MYH8: variants seen among roughly 807,000 people sequenced by gnomAD.
MYH8 encodes myosin heavy chain 8.
In MYH8, 168 loss-of-function variants were observed where a neutral mutation model predicts 233.2. The observed-to-expected ratio is 0.72, with a 90% CI of 0.64 to 0.82. The LOEUF (loss-of-function observed/expected upper bound fraction) is 0.82, where lower values mean the gene tolerates loss of function less well. Among genes scored for constraint, MYH8 ranks in the 40% least tolerant of loss-of-function variants. MYH8 has a pLI of 0.00. For missense variants in MYH8, 1,995 were observed against 2,327.8 expected, an observed-to-expected ratio of 0.86 and a Z score of 2.94; for synonymous variants, 785 against 850.6, an observed-to-expected ratio of 0.92 and a Z score of 1.34.
Position 10,410,910 on chromosome 17 carries a change from T to C in MYH8, c.1454A>G (p.Asn485Ser), listed in dbSNP as rs1242761382. The C allele has an allele frequency of 6.2e-7, 1 of 1,614,102 alleles. No homozygotes were observed. Among genetic ancestry groups the C allele is most frequent in the South Asian group, 1.1e-5 (1 of 91,056 alleles). The change falls in exon 15 of 40, where the codon AAC becomes AGC. Residue 485 changes from asparagine (N) to serine (S), a missense_variant. Transcript: ENST00000403437. The part of the protein sequence containing the change: ...SLEQLCINFT[N>S]EKLQQFFNHH... Reference sequence around the variant, plus strand: ...GTTGAAAAACTGTTGCAGTTTCTCGTTGGTGAAGTTGATGCACAGCTGCTC... The same window carrying C: ...GTTGAAAAACTGTTGCAGTTTCTCGCTGGTGAAGTTGATGCACAGCTGCTC...
intron 39 of MYH8, 89 bp from the exon 40 acceptor site, chr17:10,390,692 T>C: frequency 1.4e-6 from 2 of 1,450,718 alleles, no homozygotes; most frequent in Non-Finnish European, 1.9e-6. Context: ...AAATCAGGTA[T>C]TTCCTTCTTA....
At chr17:10,394,204 A>G in intron 35 of MYH8, 45 bp downstream of exon 35, 1 of 1,612,060 alleles carries the variant, frequency 6.2e-7, no homozygotes, top group Non-Finnish European at 8.5e-7. Flanking sequence ...ATTCGAATGC[A>G]TCAGCTACCA....
chr17:10,396,515 C>T lies in MYH8; in HGVS notation c.4528+38G>A. ...AGATGGCAACATGGAAAGGTCCTCCCAGGGATATATGGAGTAGGGAGGACT... is the reference window on the plus strand; with the variant it reads ...AGATGGCAACATGGAAAGGTCCTCCTAGGGATATATGGAGTAGGGAGGACT... On this transcript the variant is annotated intron_variant, in intron 32 of 39. Coordinates refer to ENST00000403437, the MANE Select transcript of MYH8 (RefSeq NM_002472.3). This position sits in a 1 kb window ranked among gnomAD's most constrained non-coding sequence, Gnocchi z 4.2. 5 of 1,613,848 alleles carry T rather than the reference C, an allele frequency of 3.1e-6. No individual in the cohort carries two copies. The highest frequency in any genetic ancestry group is 4.2e-6 in the Non-Finnish European group (5 of 1,179,868).
At chr17:10,397,074 T>A in intron 30 of MYH8, 88 bp from the exon 31 acceptor site, 1 of 1,401,832 alleles carries the variant, frequency 7.1e-7, no homozygotes, top group Non-Finnish European at 9.9e-7. Flanking sequence ...GTCCTATTTC[T>A]TTTCTTTTCT....
At position 10,406,787 on chromosome 17, in the gene MYH8, C is replaced by G. The variant is rs1381616912; in HGVS notation, c.2074G>C (p.Val692Leu). The change falls in exon 19 of 40, where the codon GTG (valine) becomes CTG (leucine). Residue 692 changes from valine to leucine, a missense_variant. This residue lies in a region of MYH8 where 1,498 missense variants were observed against 1,680.9 expected (regional missense o/e 0.89). Coordinates refer to ENST00000403437, the MANE Select transcript of MYH8 (RefSeq NM_002472.3). ...KTPGAMEHEL[V>L]LHQLRCNGVL... ...CCATTACACCTCAGCTGGTGCAACA[C>G]AAGTTCATGTTCCATTGCCCCTAAA... The G allele has an allele frequency of 6.2e-7, 1 of 1,614,036 alleles. No individual in the cohort carries two copies. Among genetic ancestry groups the G allele is most frequent in the Non-Finnish European group, 8.5e-7 (1 of 1,180,018 alleles).
In MYH8 at chr17:10,406,197, C is replaced by CA; in HGVS notation, c.2296-21dup. On this transcript the variant is annotated intron_variant, in intron 20 of 39. Coordinates refer to ENST00000403437, the MANE Select transcript of MYH8 (RefSeq NM_002472.3). Reference sequence around the variant, plus strand: ...GAAAACCTGGAGAAAGAGAGAGTCACAAATCATCTCCATACTGCAGGAGAT... The same window carrying CA: ...GAAAACCTGGAGAAAGAGAGAGTCACAAAATCATCTCCATACTGCAGGAGAT... 6.2e-7 allele frequency: 1 copy of CA among 1,614,022 alleles called. No homozygotes were observed. Among genetic ancestry groups the CA allele is most frequent in the Non-Finnish European group, 8.5e-7 (1 of 1,179,990 alleles).
At chr17:10,411,985 C>G (rs777459275) in intron 14 of MYH8, among the ~76,000 whole-genome samples, 15 of 152,236 alleles carry the variant, frequency 9.9e-5, no homozygotes, top group Middle Eastern at 3.4e-3. Context: ...TATGAAGAAG[C>G]CTTGTGTATG....
chr17:10,390,448 G>T lies in MYH8; in HGVS notation c.*6C>A. 6.2e-7 allele frequency: 1 copy of T among 1,613,074 alleles called. No individual in the cohort carries two copies. Among genetic ancestry groups the T allele is most frequent in the Non-Finnish European group, 8.5e-7 (1 of 1,180,020 alleles). On this transcript the variant is annotated 3_prime_UTR_variant, in exon 40 of 40. Transcript: ENST00000403437. Reference sequence around the variant, plus strand: ...TCAGCCTCTTGATAGCATCAGGCAGGTGTGTTTACTCTGCACTGATTTTTG... The same window carrying T: ...TCAGCCTCTTGATAGCATCAGGCAGTTGTGTTTACTCTGCACTGATTTTTG...
Position 10,396,552 on chromosome 17 carries a change from C to T in MYH8, c.4528+1G>A, listed in dbSNP as rs556513030. The T allele has an allele frequency of 1.1e-5, 17 of 1,613,818 alleles. No individual in the cohort carries two copies. The highest frequency in any genetic ancestry group is 6.6e-5 in the South Asian group (6 of 91,054). On this transcript the variant is annotated splice_donor_variant, in intron 32 of 39. Coordinates refer to ENST00000403437, the MANE Select transcript of MYH8 (RefSeq NM_002472.3). LOFTEE classifies it high-confidence loss of function. The surrounding 1 kb of genome is among the most constrained non-coding windows in gnomAD (Gnocchi z 4.2). Reference sequence around the variant, plus strand: ...GAGTAGGGAGGACTGTGAGGACTCACGTTGCAAGTTCTTATTTTCTCTTCT... The same window carrying T: ...GAGTAGGGAGGACTGTGAGGACTCATGTTGCAAGTTCTTATTTTCTCTTCT...
intron 17 of MYH8, among the ~76,000 whole-genome samples, chr17:10,408,439 G>C (rs926243376): frequency 6.6e-6 from 1 of 152,128 alleles, no homozygotes; most frequent in Admixed American, 6.5e-5. Flanking sequence ...GTCGTATGTC[G>C]TGTCTGTATT....
At position 10,400,884 on chromosome 17, in the gene MYH8, CT is replaced by C; in HGVS notation, c.3329del (p.Lys1110ArgfsTer57). The C allele has an allele frequency of 6.2e-7, 1 of 1,613,848 alleles. No individual in the cohort carries two copies. The highest frequency in any genetic ancestry group is 8.5e-7 in the Non-Finnish European group (1 of 1,180,014). ...GATGACTCACCTGCAACTCTTTGAT[CT>C]TCTTCTGTAGTTGAATTTCTACAGC... ...EQAVEIQLQK[K>X]IKELQARIEE... On this transcript the variant is annotated frameshift_variant, in exon 26 of 40. Transcript: ENST00000403437. LOFTEE classifies it high-confidence loss of function. The surrounding 1 kb of genome is among the most constrained non-coding windows in gnomAD (Gnocchi z 4.0).
rs1351094892 is a variant in MYH8, at chr17:10,414,048, G to C, written c.1009-8C>G. On this transcript the variant is annotated splice_region_variant and splice_polypyrimidine_tract_variant and intron_variant, in intron 11 of 39. Transcript: ENST00000403437. The stretch of plus-strand genomic sequence containing the variant: ...CAGGATGTCAATGGCACTCTACCAG[G>C]AAAAATGAGAGGACAAAAGTTAGGG... 1 of 1,614,060 alleles carries C rather than the reference G, an allele frequency of 6.2e-7. No homozygotes were observed. Among genetic ancestry groups the C allele is most frequent in the South Asian group, 1.1e-5 (1 of 91,080 alleles).
chr17:10,404,672 GA>G (rs774847062), intron 21 of MYH8, 87 bp from the exon 22 acceptor site: 2 of 1,488,912 alleles, frequency 1.3e-6, no homozygotes, highest in East Asian at 4.7e-5. Context: ...CCCTTTTAAT[GA>G]ATGCCGCTCA....
Position 10,394,361 on chromosome 17 carries a change from T to C in MYH8, c.5054A>G (p.Gln1685Arg), listed in dbSNP as rs2072059997. The C allele has an allele frequency of 6.2e-7, 1 of 1,614,028 alleles. No homozygotes were observed. The highest frequency in any genetic ancestry group is 1.3e-5 in the African/African-American group (1 of 74,920). The change falls in exon 35 of 40, where the codon CAG becomes CGG. Residue 1685 changes from glutamine (Q) to arginine (R), a missense_variant. Gln to Arg is a conservative substitution (Grantham distance 43). This residue lies in a region of MYH8 where 1,498 missense variants were observed against 1,680.9 expected (regional missense o/e 0.89). Transcript: ENST00000403437. ...GGCCCACAGCTCCTCGATCTCAGCC[T>C]GCAGCAGGTTGGCTCTGCGCTCCAC... ...AIVERRANLL[Q>R]AEIEELWATL...
rs754371915 is a variant in MYH8 at position 10,415,318 on chromosome 17, C to G, written c.715G>C (p.Val239Leu). ...AAGCGAGAGGAGTTGTCATTCCTCA[C>G]AGTTTTGGCATTGCCAAAGGCCTCC... is the stretch of plus-strand genomic sequence containing the variant. ...LLEAFGNAKTVRNDNSSRFGK... is the reference protein window; with the variant it reads ...LLEAFGNAKTLRNDNSSRFGK... Residue 239 changes from valine (V) to leucine (L), a missense_variant, in exon 8 of 40, where the codon GTG becomes CTG. Val to Leu is a conservative substitution (Grantham distance 32). This residue lies in a region of MYH8 where 479 missense variants were observed against 600.9 expected (regional missense o/e 0.80). Coordinates refer to ENST00000403437, the MANE Select transcript of MYH8 (RefSeq NM_002472.3). This position sits in a 1 kb window ranked among gnomAD's most constrained non-coding sequence, Gnocchi z 4.1. 1.5e-5 allele frequency: 24 copies of G among 1,614,048 alleles called. No individual in the cohort carries two copies.
rs770599636 is a variant in MYH8, at chr17:10,415,385, C to T, written c.649-1G>A. ...TGATGATTTGATCTTCCAGAGTCCC[C>T]TGCAAAGGAAGGAGCAGTTCTCACA... On this transcript the variant is annotated splice_acceptor_variant, in intron 7 of 39. Transcript: ENST00000403437. LOFTEE classifies it high-confidence loss of function. The surrounding 1 kb of genome is among the most constrained non-coding windows in gnomAD (Gnocchi z 4.1). 2.5e-6 allele frequency: 4 copies of T among 1,614,190 alleles called. No individual in the cohort carries two copies. In the South Asian group the frequency reaches 4.4e-5, roughly 18 times the overall value.
At position 10,419,214 on chromosome 17, in the gene MYH8, T is replaced by C. The variant is rs1271517694; in HGVS notation, c.211-184A>G. Among the ~76,000 whole-genome samples, 1 of 152,142 alleles carries C rather than the reference T, an allele frequency of 6.6e-6. No homozygotes were observed. The highest frequency in any genetic ancestry group is 6.5e-5 in the Admixed American group (1 of 15,280). ...CTGGGATTGCAAGTGCCCATCACCA[T>C]GCCCAGCTAATTTTTGTATTTTTAG... On this transcript the variant is annotated intron_variant, in intron 3 of 39. Coordinates refer to ENST00000403437, the MANE Select transcript of MYH8 (RefSeq NM_002472.3). This position sits in a 1 kb window ranked among gnomAD's most constrained non-coding sequence, Gnocchi z 4.0.
chr17:10,390,392 T>G lies in MYH8; in HGVS notation c.*62A>C. ...AGGAAAATAAACGTCATAAAGCAAG[T>G]GACCAAAAATAGCACATTTTGTGCC... On this transcript the variant is annotated 3_prime_UTR_variant, in exon 40 of 40. Transcript: ENST00000403437. 1.2e-6 allele frequency: 2 copies of G among 1,600,338 alleles called. No individual in the cohort carries two copies. The highest frequency in any genetic ancestry group is 2.2e-5 in the South Asian group (2 of 90,690).
chr17:10,414,548 C>T lies in MYH8; in HGVS notation c.806-64G>A. The T allele has an allele frequency of 3.6e-6, 4 of 1,117,488 alleles. No individual in the cohort carries two copies. In the South Asian group the frequency reaches 5.1e-5, roughly 14 times the overall value. The allele number at this position is 1,117,488 out of a possible 1,614,324, so 69.2% of individuals were successfully genotyped here. A position where few individuals can be genotyped will look rare whatever the true frequency, so the allele number is the denominator to read the frequency against. On this transcript the variant is annotated intron_variant, in intron 9 of 39. Transcript: ENST00000403437. ...CAATGCTTCTGAGATAGTAAATGAA[C>T]CTCACGTCTTTGGTCAAATTTGGAG...
Sources: gnomAD v4.1 joint callset for allele counts (sites outside exome capture counted in the v4.1 genomes callset) on GRCh38, gnomAD v4.1.1 for gene constraint, gnomAD v4.1.1 regional missense constraint, Gnocchi (gnomAD v3.1) non-coding constraint, MANE v1.5 for transcripts, NCBI Gene and HGNC (gene_info 2026-07-23, HGNC 2026-07-21) for gene names.